Variants in CMKLR2 observed in about 807,000 individuals in gnomAD.
The protein encoded by CMKLR2 is chemerin chemokine-like receptor 2, also known as chemerin-like receptor 2.
A neutral mutation model predicts 23.0 loss-of-function variants in CMKLR2; 18 were observed. The observed-to-expected ratio is 0.78, with a 90% CI of 0.54 to 1.16. The LOEUF (loss-of-function observed/expected upper bound fraction) is 1.16, where lower values mean the gene tolerates loss of function less well. Among genes scored for constraint, CMKLR2 ranks in the 50% most tolerant of loss-of-function variants. The probability of loss-of-function intolerance (pLI) is 0.00; values close to 1 mark genes in which losing one functional copy is unlikely to be tolerated. For synonymous variants in CMKLR2, 158 were observed against 158.9 expected, an observed-to-expected ratio of 0.99 and a Z score of 0.05; for missense variants, 401 against 412.7, an observed-to-expected ratio of 0.97 and a Z score of 0.25.
chr2:206,190,656 G>A lies in CMKLR2; in HGVS notation c.-28-13381C>T, dbSNP rs576287846. On this transcript the variant is annotated intron_variant, in intron 1 of 1. Coordinates refer to ENST00000621141, the MANE Select transcript of CMKLR2 (RefSeq NM_001389445.1). ...CATTGAAAACCTTGAACAGAAAAGC[G>A]AACTAATTTTAGGGATACAAATGTT... 8.5e-5 allele frequency among the ~76,000 whole-genome samples: 13 copies of A among 152,226 alleles called. 1 individual carries two copies. The highest frequency in any genetic ancestry group is 4.1e-4 in the South Asian group (2 of 4,822).
rs559135003 is a variant in CMKLR2, at chr2:206,195,956, AAAAC to A, written c.-29+17347_-29+17350del. ...GGAACAGGAGTGAAACTCCATCTCA[AAAAC>A]AAACAAACAAACAAAACCCCAAAAA... is the stretch of plus-strand genomic sequence containing the variant. On this transcript the variant is annotated intron_variant, in intron 1 of 1. Transcript: ENST00000621141. Among the ~76,000 whole-genome samples, 462 of 152,318 alleles carry A rather than the reference AAAAC, an allele frequency of 3.0e-3. 2 individuals are homozygous for A. Among genetic ancestry groups the A allele is most frequent in the Admixed American group, 6.1e-3 (94 of 15,300 alleles).
At chr2:206,202,685 G>A (rs1689142172) in intron 1 of CMKLR2, among the ~76,000 whole-genome samples, 2 of 152,090 alleles carry the variant, frequency 1.3e-5, no homozygotes, top group African/African-American at 4.8e-5. Context: ...CCTCATTCGG[G>A]TGGGGATGGG....
At chr2:206,208,347 C>A (rs1574329661) in intron 1 of CMKLR2, among the ~76,000 whole-genome samples, 2 of 151,982 alleles carry the variant, frequency 1.3e-5, no homozygotes, top group Admixed American at 1.3e-4. Context: ...TTGAAACCAG[C>A]CTGGGAAACA....
At chr2:206,193,981 A>G (rs1688836250) in intron 1 of CMKLR2, among the ~76,000 whole-genome samples, 1 of 152,220 alleles carries the variant, frequency 6.6e-6, no homozygotes, top group Admixed American at 6.5e-5. Context: ...TGGAAACTGA[A>G]TTGGTGGTCA....
At chr2:206,209,360 TTTG>T (rs1689453159) in intron 1 of CMKLR2, among the ~76,000 whole-genome samples, 2 of 152,096 alleles carry the variant, frequency 1.3e-5, no homozygotes, top group East Asian at 1.9e-4. Flanking sequence ...AAAGCACTTT[TTTG>T]TTGTTGTTTG....
chr2:206,207,728 C>T (rs867343523), intron 1 of CMKLR2, among the ~76,000 whole-genome samples: 17 of 43,574 alleles, frequency 3.9e-4, no homozygotes, highest in South Asian at 1.5e-3. Flanking sequence ...ACCTCAGGGC[C>T]TTTTTTTTTT....
At chr2:206,206,778 GTT>G (rs1234138155) in intron 1 of CMKLR2, among the ~76,000 whole-genome samples, 2 of 152,136 alleles carry the variant, frequency 1.3e-5, no homozygotes, top group Non-Finnish European at 2.9e-5. Flanking sequence ...TATTCAGTAG[GTT>G]TTGATAAAGG....
intron 1 of CMKLR2, among the ~76,000 whole-genome samples, chr2:206,193,603 C>A (rs1440694363): frequency 6.6e-6 from 1 of 152,144 alleles, no homozygotes; most frequent in Non-Finnish European, 1.5e-5. Flanking sequence ...AAGCTTGCAT[C>A]CTCTTTAGTG....
chr2:206,201,300 T>A (rs1159078845), intron 1 of CMKLR2, among the ~76,000 whole-genome samples: 2 of 152,172 alleles, frequency 1.3e-5, no homozygotes, highest in Non-Finnish European at 2.9e-5. Flanking sequence ...GCAAAGCAAA[T>A]AATCTTCTCC....
upstream of CMKLR2, among the ~76,000 whole-genome samples, chr2:206,215,663 T>C (rs749272925): frequency 4.5e-4 from 69 of 152,188 alleles, 1 homozygote; most frequent in South Asian, 3.3e-3. Context: ...TCTCTGCAAA[T>C]GTGCCTTATA....
Position 206,210,056 on chromosome 2 carries a change from C to T in CMKLR2, c.-29+3251G>A, listed in dbSNP as rs182647395. Among the ~76,000 whole-genome samples the T allele has an allele frequency of 4.0e-3, 602 of 151,766 alleles. 5 individuals carry two copies. Among genetic ancestry groups the T allele is most frequent in the African/African-American group, 0.014 (561 of 41,378 alleles). ...TCGGCTCACTGCAACCTCTGCCTCC[C>T]AGGTTCAAGCAATTCTCGTGCCTCA... On this transcript the variant is annotated intron_variant, in intron 1 of 1. Coordinates refer to ENST00000621141, the MANE Select transcript of CMKLR2 (RefSeq NM_001389445.1).
chr2:206,205,526 C>A (rs1039145955), intron 1 of CMKLR2, among the ~76,000 whole-genome samples: 1 of 150,554 alleles, frequency 6.6e-6, no homozygotes, highest in Admixed American at 6.6e-5. Context: ...CCACACCCGG[C>A]TAATTTTTTT....
At chr2:206,204,003 G>A (rs1689212238) in intron 1 of CMKLR2, 1 of 152,190 alleles carries the variant, frequency 6.6e-6, no homozygotes. Flanking sequence ...AATGACAAAA[G>A]ATAATATATG....
chr2:206,195,080 T>C (rs1158891961), intron 1 of CMKLR2, among the ~76,000 whole-genome samples: 1 of 152,150 alleles, frequency 6.6e-6, no homozygotes, highest in Non-Finnish European at 1.5e-5. Flanking sequence ...TAAATTATTT[T>C]ATGGTAATGA....
At chr2:206,208,528 G>C (rs1008238034) in intron 1 of CMKLR2, among the ~76,000 whole-genome samples, 1 of 151,880 alleles carries the variant, frequency 6.6e-6, no homozygotes, top group Non-Finnish European at 1.5e-5. Flanking sequence ...AGAGAGCCAT[G>C]TTTCAAAAAT....
chr2:206,198,295 G>A (rs1688982784), intron 1 of CMKLR2, among the ~76,000 whole-genome samples: 1 of 152,172 alleles, frequency 6.6e-6, no homozygotes, highest in Non-Finnish European at 1.5e-5. Flanking sequence ...TGCTGAAAAA[G>A]CACTGGAACT....
At chr2:206,208,910 A>T (rs1226908287) in intron 1 of CMKLR2, among the ~76,000 whole-genome samples, 2 of 152,148 alleles carry the variant, frequency 1.3e-5, no homozygotes, top group African/African-American at 4.8e-5. Context: ...GGCTCAAGCA[A>T]TCCTCCCATC....
chr2:206,195,164 A>G (rs1437508094), intron 1 of CMKLR2, among the ~76,000 whole-genome samples: 1 of 152,188 alleles, frequency 6.6e-6, no homozygotes, highest in African/African-American at 2.4e-5. Context: ...GAGTTCTGCA[A>G]AATGGACATT....
At chr2:206,207,170 A>T (rs1689358225) in intron 1 of CMKLR2, among the ~76,000 whole-genome samples, 1 of 140,148 alleles carries the variant, frequency 7.1e-6, no homozygotes, top group South Asian at 2.2e-4. Flanking sequence ...TTTTTTTGAG[A>T]CAGAGTCTCT....
Sources: allele counts gnomAD v4.1 joint callset (sites outside exome capture counted in the v4.1 genomes callset), GRCh38; gene constraint gnomAD v4.1.1; transcripts MANE v1.5; gene names NCBI Gene and HGNC (gene_info 2026-07-23, HGNC 2026-07-21).